PRKCB: variants seen among roughly 807,000 people sequenced by gnomAD.
The protein encoded by PRKCB is protein kinase C beta, also known as protein kinase C beta type.
In PRKCB, 13 loss-of-function variants were observed where a neutral mutation model predicts 81.5. The observed-to-expected ratio is 0.16, with a 90% CI of 0.10 to 0.25. The LOEUF (loss-of-function observed/expected upper bound fraction) is 0.25. PRKCB is among the 10% of genes least tolerant of loss of function. The probability of loss-of-function intolerance (pLI) is 1.00; values close to 1 mark genes in which losing one functional copy is unlikely to be tolerated. For synonymous variants in PRKCB, 335 were observed against 321.4 expected (o/e 1.04, Z -0.45); for missense variants, 509 against 875.7 (o/e 0.58, Z 5.29).
intron 2 of PRKCB, among the ~76,000 whole-genome samples, chr16:23,868,873 T>C (rs1190005361): frequency 6.6e-6 from 1 of 152,224 alleles, no homozygotes; most frequent in Non-Finnish European, 1.5e-5. Flanking sequence ...GTACAGCTGG[T>C]CTCCCAAGAA....
Position 24,220,145 on chromosome 16 carries a change from TG to T in PRKCB, c.*5330del, listed in dbSNP as rs1278246393. On this transcript the variant is annotated 3_prime_UTR_variant, in exon 17 of 17. Coordinates refer to ENST00000643927, the MANE Select transcript of PRKCB (RefSeq NM_002738.7). ...GCAAACTCCATCGTTGAGCCTGGGG[TG>T]TAAGACTTCAAGCCAAGCGTATGTA... The T allele has an allele frequency of 6.2e-7, 1 of 1,612,376 alleles. No individual in the cohort carries two copies. Among genetic ancestry groups the T allele is most frequent in the Non-Finnish European group, 8.5e-7 (1 of 1,178,936 alleles).
At chr16:23,854,068 C>T (rs142185109) in intron 2 of PRKCB, among the ~76,000 whole-genome samples, 1 of 150,986 alleles carries the variant, frequency 6.6e-6, no homozygotes, top group Non-Finnish European at 1.5e-5. Flanking sequence ...ATCACGAGAA[C>T]AGCATTAGAA....
chr16:24,176,043 G>A (rs1384551002), intron 12 of PRKCB, among the ~76,000 whole-genome samples: 1 of 151,570 alleles, frequency 6.6e-6, no homozygotes, highest in Non-Finnish European at 1.5e-5. Flanking sequence ...GCGGAGGCCA[G>A]GCTATGGGAT....
intron 2 of PRKCB, among the ~76,000 whole-genome samples, chr16:23,886,950 T>C (rs1963212928): frequency 1.3e-5 from 2 of 152,102 alleles, no homozygotes; most frequent in African/African-American, 4.8e-5. Context: ...TCTCTTTTCT[T>C]GGGGGGTCAC....
At chr16:23,990,061 G>A (rs1391750995) in intron 3 of PRKCB, among the ~76,000 whole-genome samples, 1 of 152,164 alleles carries the variant, frequency 6.6e-6, no homozygotes, top group African/African-American at 2.4e-5. Flanking sequence ...CCTGAGCATG[G>A]CAGAGTGGAA....
intron 5 of PRKCB, among the ~76,000 whole-genome samples, chr16:24,063,205 C>G (rs1015439008): frequency 1.1e-4 from 16 of 151,966 alleles, no homozygotes; most frequent in Admixed American, 9.2e-4. Flanking sequence ...TCCCTTTAAC[C>G]CTGTCTTCAC....
intron 5 of PRKCB, among the ~76,000 whole-genome samples, chr16:24,082,323 A>G (rs895382243): frequency 1.3e-5 from 2 of 152,178 alleles, no homozygotes; most frequent in African/African-American, 4.8e-5. Context: ...TCAAGTCAAA[A>G]TCCCAGCAGG....
chr16:23,964,010 T>C (rs1485659119), intron 2 of PRKCB, among the ~76,000 whole-genome samples: 2 of 152,194 alleles, frequency 1.3e-5, no homozygotes, highest in South Asian at 2.1e-4. Flanking sequence ...ACATTTAGTA[T>C]ACTCCAGGGC....
At chr16:23,836,409 C>A in intron 1 of PRKCB, 61 bp downstream of exon 1, 1 of 1,547,822 alleles carries the variant, frequency 6.5e-7, no homozygotes, top group Non-Finnish European at 8.7e-7. Context: ...CGCCAGGGAC[C>A]CCCTCTCCGC....
intron 10 of PRKCB, among the ~76,000 whole-genome samples, chr16:24,157,115 T>C (rs1224233499): frequency 6.6e-6 from 1 of 152,212 alleles, no homozygotes; most frequent in Non-Finnish European, 1.5e-5. Flanking sequence ...CAATATGCTT[T>C]CTGGAATTAG....
chr16:23,959,651 G>T (rs964226108), intron 2 of PRKCB, among the ~76,000 whole-genome samples: 2 of 152,098 alleles, frequency 1.3e-5, no homozygotes, highest in Non-Finnish European at 1.5e-5. Flanking sequence ...GAGTCTCCTC[G>T]GTTTGGTACT....
At chr16:23,997,247 C>G (rs1353787888) in intron 3 of PRKCB, among the ~76,000 whole-genome samples, 2 of 152,168 alleles carry the variant, frequency 1.3e-5, no homozygotes, top group Non-Finnish European at 2.9e-5. Context: ...GGACACTACT[C>G]TACAATGGAG....
In PRKCB at chr16:24,219,517, A is replaced by G. The variant is rs1165619664; in HGVS notation, c.*4701A>G. On this transcript the variant is annotated 3_prime_UTR_variant, in exon 17 of 17. Transcript: ENST00000643927. ...GGGCAGCAGTTCACCTTTTCAGAGA[A>G]AGAGGTCTTCTAGCCACCTGGGCTG... 1.0e-6 allele frequency: 1 copy of G among 988,192 alleles called. No individual in the cohort carries two copies. The highest frequency in any genetic ancestry group is 1.2e-6 in the Non-Finnish European group (1 of 831,862). The allele number at this position is 988,192 out of a possible 1,614,324, so 61.2% of individuals were successfully genotyped here.
intron 5 of PRKCB, among the ~76,000 whole-genome samples, chr16:24,058,141 CTA>C (rs1173690573): frequency 6.6e-6 from 1 of 152,144 alleles, no homozygotes; most frequent in Non-Finnish European, 1.5e-5. Flanking sequence ...TCCTTGGGCT[CTA>C]TGTGTTGCCA....
intron 9 of PRKCB, among the ~76,000 whole-genome samples, chr16:24,152,258 A>G (rs1967091369): frequency 6.6e-6 from 1 of 152,186 alleles, no homozygotes; most frequent in South Asian, 2.1e-4. Flanking sequence ...GAAAGGGGAA[A>G]CCCCTTATAA....
At chr16:24,158,532 A>T (rs1186721061) in intron 10 of PRKCB, among the ~76,000 whole-genome samples, 1 of 50,792 alleles carries the variant, frequency 2.0e-5, no homozygotes, top group Admixed American at 1.7e-4. Context: ...AAAAACATGT[A>T]TATGTATAAG....
At chr16:23,940,241 T>C (rs1051353708) in intron 2 of PRKCB, among the ~76,000 whole-genome samples, 2 of 152,216 alleles carry the variant, frequency 1.3e-5, no homozygotes, top group South Asian at 4.1e-4. Context: ...CACCCACACA[T>C]GGTTGCTGAG....
chr16:23,894,515 A>G (rs1405130603), intron 2 of PRKCB, among the ~76,000 whole-genome samples: 3 of 152,136 alleles, frequency 2.0e-5, no homozygotes, highest in Non-Finnish European at 2.9e-5. Context: ...ATTTCCCCCC[A>G]GAAAATAATA....
At chr16:23,899,809 AT>A (rs1165224114) in intron 2 of PRKCB, among the ~76,000 whole-genome samples, 10 of 54 alleles carry the variant, frequency 0.19, 4 homozygotes, top group Non-Finnish European at 0.36. Context: ...AGCAAATAAA[AT>A]TTATTTATTT....
Sources: gnomAD v4.1 joint callset for allele counts (sites outside exome capture counted in the v4.1 genomes callset) on GRCh38, gnomAD v4.1.1 for gene constraint, MANE v1.5 for transcripts, NCBI Gene and HGNC (gene_info 2026-07-23, HGNC 2026-07-21) for gene names.